The following PRKCQ variants were observed in gnomAD, a reference collection of about 807,000 sequenced individuals.
The protein encoded by PRKCQ is protein kinase C theta type.
A neutral mutation model predicts 91.2 loss-of-function variants in PRKCQ; 41 were observed. That is an observed-to-expected ratio of 0.45 (90% confidence interval 0.35 to 0.58). The LOEUF is 0.58. Ranked by LOEUF, PRKCQ falls within the 20% of genes least tolerant of loss-of-function variation. PRKCQ has a pLI of 0.00. For synonymous variants in PRKCQ, 307 were observed against 316.9 expected, an observed-to-expected ratio of 0.97 and a Z score of 0.33; for missense variants, 673 against 896.5, an observed-to-expected ratio of 0.75 and a Z score of 3.18.
intron 14 of PRKCQ, among the ~76,000 whole-genome samples, chr10:6,461,042 C>T (rs1179954172): frequency 1.3e-5 from 2 of 151,910 alleles, no homozygotes; most frequent in Non-Finnish European, 2.9e-5. Context: ...ATCCATTCAT[C>T]CATCCATCCA....
the PRKCQ span, among the ~76,000 whole-genome samples, chr10:6,410,067 T>C: frequency 6.6e-6 from 1 of 152,114 alleles, no homozygotes; most frequent in Non-Finnish European, 1.5e-5. Flanking sequence ...TTTTACCCTC[T>C]GGGCTACTCA....
chr10:6,484,531 G>C (rs1248637106), intron 10 of PRKCQ, among the ~76,000 whole-genome samples: 5 of 152,114 alleles, frequency 3.3e-5, no homozygotes, highest in African/African-American at 1.2e-4. Flanking sequence ...TTTTTAAGTT[G>C]ATTTGAAGTC....
the PRKCQ span, among the ~76,000 whole-genome samples, chr10:6,396,278 GATACA>G: frequency 3.3e-5 from 5 of 152,142 alleles, no homozygotes; most frequent in South Asian, 2.1e-4. Flanking sequence ...GTTTTATTGA[GATACA>G]ATACAATTCA....
the PRKCQ span, among the ~76,000 whole-genome samples, chr10:6,410,424 G>A: frequency 6.6e-6 from 1 of 152,218 alleles, no homozygotes; most frequent in African/African-American, 2.4e-5. Context: ...CATCATACCA[G>A]CTGAGTGAAG....
intron 14 of PRKCQ, among the ~76,000 whole-genome samples, chr10:6,461,366 A>G (rs1835340278): frequency 6.6e-6 from 1 of 152,270 alleles, no homozygotes. Flanking sequence ...GGCCTTACAC[A>G]TATAAAGAAA....
intron 15 of PRKCQ, among the ~76,000 whole-genome samples, chr10:6,454,533 AG>A (rs1163519120): frequency 6.6e-6 from 1 of 152,102 alleles, no homozygotes; most frequent in African/African-American, 2.4e-5. Context: ...GTGGATTTGA[AG>A]GGTAAGAAAG....
intron 17 of PRKCQ, among the ~76,000 whole-genome samples, chr10:6,429,332 A>AT (rs1833288214): frequency 6.6e-6 from 1 of 152,224 alleles, no homozygotes; most frequent in Non-Finnish European, 1.5e-5. Flanking sequence ...TAAAATTTTT[A>AT]TTTTATCACA....
chr10:6,432,106 C>A (rs1188514248), intron 16 of PRKCQ, among the ~76,000 whole-genome samples: 2 of 152,094 alleles, frequency 1.3e-5, no homozygotes, highest in Non-Finnish European at 2.9e-5. Flanking sequence ...ATGAAGTAAC[C>A]ATGAGTTATA....
chr10:6,453,963 C>G (rs1443870478), intron 15 of PRKCQ, among the ~76,000 whole-genome samples: 5 of 152,038 alleles, frequency 3.3e-5, no homozygotes, highest in African/African-American at 1.2e-4. Flanking sequence ...GGAGATATAC[C>G]TAATGCTAAA....
intron 1 of PRKCQ, among the ~76,000 whole-genome samples, chr10:6,555,279 T>C (rs1315692579): frequency 2.6e-5 from 4 of 151,966 alleles, no homozygotes; most frequent in African/African-American, 9.7e-5. Flanking sequence ...AAAGATCTAA[T>C]GCTATAGTGA....
intron 9 of PRKCQ, among the ~76,000 whole-genome samples, chr10:6,485,705 T>C (rs75916999): frequency 0.014 from 2,145 of 152,312 alleles, 50 homozygotes; most frequent in African/African-American, 0.048. Context: ...AGCACATAAG[T>C]GTTTTCCCCC....
intron 1 of PRKCQ, among the ~76,000 whole-genome samples, chr10:6,563,357 T>C (rs1388537389): frequency 2.0e-5 from 3 of 152,006 alleles, no homozygotes; most frequent in Admixed American, 1.3e-4. Flanking sequence ...GGATTCTGGG[T>C]GCCCTGCCTT....
chr10:6,458,671 A>G (rs1564315396), intron 14 of PRKCQ, among the ~76,000 whole-genome samples: 2 of 152,116 alleles, frequency 1.3e-5, no homozygotes, highest in Admixed American at 6.5e-5. Context: ...CCCCTCTGGC[A>G]GCCTCCAAGA....
chr10:6,431,377 AACAC>A (rs550001672), intron 16 of PRKCQ, among the ~76,000 whole-genome samples: 1 of 152,158 alleles, frequency 6.6e-6, no homozygotes, highest in African/African-American at 2.4e-5. Context: ...CATGGACATA[AACAC>A]ACACTGGCAC....
At chr10:6,450,878 T>C (rs966547693) in intron 15 of PRKCQ, among the ~76,000 whole-genome samples, 5 of 152,026 alleles carry the variant, frequency 3.3e-5, no homozygotes, top group African/African-American at 1.2e-4. Flanking sequence ...TTGAAATCAA[T>C]GAGAACAAAG....
chr10:6,505,091 C>T (rs896294020), intron 4 of PRKCQ, among the ~76,000 whole-genome samples: 1 of 152,094 alleles, frequency 6.6e-6, no homozygotes, highest in African/African-American at 2.4e-5. Context: ...GACGGGGTTC[C>T]ACCATGTTAG....
At chr10:6,573,871 C>G (rs1017898451) in intron 1 of PRKCQ, among the ~76,000 whole-genome samples, 1 of 152,208 alleles carries the variant, frequency 6.6e-6, no homozygotes. Context: ...AATCTCAGCA[C>G]TCTGGGAGGC....
intron 1 of PRKCQ, among the ~76,000 whole-genome samples, chr10:6,578,735 T>G (rs1247564170): frequency 6.6e-6 from 1 of 152,206 alleles, no homozygotes; most frequent in African/African-American, 2.4e-5. Context: ...TGCATAAACT[T>G]CAAAAGTAAT....
chr10:6,457,015 C>T (rs893727967), intron 14 of PRKCQ, among the ~76,000 whole-genome samples: 3 of 152,168 alleles, frequency 2.0e-5, no homozygotes, highest in African/African-American at 4.8e-5. Context: ...TGGATTCTTT[C>T]TCTGATTTAC....
Sources: gnomAD v4.1 joint callset for allele counts (sites outside exome capture counted in the v4.1 genomes callset) on GRCh38, gnomAD v4.1.1 for gene constraint, MANE v1.5 for transcripts, NCBI Gene and HGNC (gene_info 2026-07-23, HGNC 2026-07-21) for gene names.